STARD13: variants seen among roughly 807,000 people sequenced by gnomAD.
STARD13 encodes the protein stAR-related lipid transfer protein 13.
STARD13 carries 62 observed loss-of-function variants against 106.4 expected under a neutral mutation model. The observed-to-expected ratio is 0.58, with a 90% CI of 0.48 to 0.72. The LOEUF (loss-of-function observed/expected upper bound fraction) is 0.72, where lower values mean the gene tolerates loss of function less well. Among genes scored for constraint, STARD13 ranks in the 30% least tolerant of loss-of-function variants. The pLI is 0.00. For missense variants in STARD13, 1,387 were observed against 1,424.0 expected (o/e 0.97, Z 0.42); for synonymous variants, 565 against 553.0 (o/e 1.02, Z -0.31).
At chr13:33,318,864 C>T (rs186270731) in intron 1 of STARD13, among the ~76,000 whole-genome samples, 87 of 152,248 alleles carry the variant, frequency 5.7e-4, no homozygotes, top group Non-Finnish European at 1.1e-3. Flanking sequence ...GATACCATTT[C>T]ACAATGACTA....
chr13:33,515,552 G>A, the STARD13 span, among the ~76,000 whole-genome samples: 1 of 152,104 alleles, frequency 6.6e-6, no homozygotes, highest in Non-Finnish European at 1.5e-5. Context: ...ACTAGAAAGT[G>A]GGGACCATAA....
intron 1 of STARD13, among the ~76,000 whole-genome samples, chr13:33,327,044 T>C (rs2077783859): frequency 6.6e-6 from 1 of 152,224 alleles, no homozygotes; most frequent in African/African-American, 2.4e-5. Context: ...CAAGTGTGCC[T>C]GGCACATGGT....
chr13:33,533,851 G>A, the STARD13 span, among the ~76,000 whole-genome samples: 1 of 152,198 alleles, frequency 6.6e-6, no homozygotes, highest in South Asian at 2.1e-4. Context: ...AACAAATGCT[G>A]AGTGTTAATT....
chr13:33,307,661 T>C (rs892365550), intron 1 of STARD13, among the ~76,000 whole-genome samples: 1 of 150,694 alleles, frequency 6.6e-6, no homozygotes, highest in Non-Finnish European at 1.5e-5. Context: ...TGTCAGGGAG[T>C]TGGGGAGAGG....
the STARD13 span, among the ~76,000 whole-genome samples, chr13:33,492,564 A>G: frequency 1.3e-5 from 2 of 152,212 alleles, no homozygotes; most frequent in Admixed American, 6.5e-5. Flanking sequence ...CAAGATGGCA[A>G]TAAGAGTCAT....
chr13:33,623,419 T>A, the STARD13 span, among the ~76,000 whole-genome samples: 2 of 70,756 alleles, frequency 2.8e-5, no homozygotes, highest in East Asian at 4.7e-4. Flanking sequence ...AAATTGAACC[T>A]CAATAAAGTA....
chr13:33,640,091 G>C, the STARD13 span, among the ~76,000 whole-genome samples: 1,318 of 152,266 alleles, frequency 8.7e-3, 26 homozygotes, highest in African/African-American at 0.03. Flanking sequence ...TTCAGTCATA[G>C]AGAAAGATAT....
In STARD13 at chr13:33,343,588, A is replaced by AAACAAAC. The variant is rs1555264012; in HGVS notation, c.124+6701_124+6702insGTTTGTT. Among the ~76,000 whole-genome samples, 105 of 97,276 alleles carry AAACAAAC rather than the reference A, an allele frequency of 1.1e-3. 3 individuals are homozygous for AAACAAAC. Among genetic ancestry groups the AAACAAAC allele is most frequent in the Admixed American group, 4.9e-3 (51 of 10,398 alleles). The allele number at this position is 97,276 out of a possible 152,430, so 63.8% of individuals were successfully genotyped here. A position where few individuals can be genotyped will look rare whatever the true frequency, so the allele number is the denominator to read the frequency against. On this transcript the variant is annotated intron_variant, in intron 1 of 5. Transcript: ENST00000567873. ...TTGAGACCCTGTCTTAAAAAAAAAA[A>AAACAAAC]AAAAAAAAACAAATCTACAAATCTA... is the stretch of plus-strand genomic sequence containing the variant.
chr13:33,593,309 G>A, the STARD13 span, among the ~76,000 whole-genome samples: 14 of 151,570 alleles, frequency 9.2e-5, no homozygotes, highest in South Asian at 2.1e-4. Context: ...CTCAGCCTCC[G>A]GAGTAGCTGG....
chr13:33,459,546 A>T, the STARD13 span, among the ~76,000 whole-genome samples: 1 of 152,288 alleles, frequency 6.6e-6, no homozygotes, highest in Non-Finnish European at 1.5e-5. Context: ...TGCTATTACA[A>T]AAAAGCTTCT....
At chr13:33,379,226 C>T in the STARD13 span, among the ~76,000 whole-genome samples, 25 of 152,314 alleles carry the variant, frequency 1.6e-4, no homozygotes, top group African/African-American at 5.8e-4. Context: ...CCTTAGAGAG[C>T]TCTTATGACA....
chr13:33,568,038 C>A, the STARD13 span, among the ~76,000 whole-genome samples: 1 of 145,622 alleles, frequency 6.9e-6, no homozygotes, highest in African/African-American at 2.5e-5. Context: ...ATTTTTTTTT[C>A]TATTGTTTAA....
intron 1 of STARD13, among the ~76,000 whole-genome samples, chr13:33,313,240 TG>T (rs1377685296): frequency 1.3e-5 from 2 of 151,632 alleles, no homozygotes; most frequent in African/African-American, 4.9e-5. Context: ...ATATTTGGAA[TG>T]AAAAAAATGT....
chr13:33,526,162 G>C, the STARD13 span, among the ~76,000 whole-genome samples: 156 of 152,086 alleles, frequency 1.0e-3, 2 homozygotes, highest in African/African-American at 3.4e-3. Flanking sequence ...ACTGTGGCCG[G>C]CAATAATTGT....
the STARD13 span, among the ~76,000 whole-genome samples, chr13:33,534,626 T>C: frequency 2.0e-5 from 3 of 152,222 alleles, no homozygotes. Flanking sequence ...TATTTTTTTA[T>C]ATATAGAATA....
At chr13:33,216,915 G>A (rs1464695887) in intron 1 of STARD13, among the ~76,000 whole-genome samples, 1 of 152,110 alleles carries the variant, frequency 6.6e-6, no homozygotes, top group African/African-American at 2.4e-5. Flanking sequence ...TCGAATCCCT[G>A]GCCCATCCCT....
At chr13:33,566,348 C>G in the STARD13 span, among the ~76,000 whole-genome samples, 1 of 147,924 alleles carries the variant, frequency 6.8e-6, no homozygotes, top group Non-Finnish European at 1.5e-5. Flanking sequence ...GTACTATCTG[C>G]GGTTTCAGGC....
intron 1 of STARD13, among the ~76,000 whole-genome samples, chr13:33,257,433 T>C (rs1241503231): frequency 6.6e-6 from 1 of 152,208 alleles, no homozygotes; most frequent in African/African-American, 2.4e-5. Context: ...GCATGGTATA[T>C]AAAAGTGTAC....
chr13:33,271,561 G>T (rs1296398744), intron 1 of STARD13: 1 of 152,218 alleles, frequency 6.6e-6, no homozygotes, highest in Non-Finnish European at 1.5e-5. Context: ...CTATTCCTTA[G>T]GTAGGAACTT....
Sources: gnomAD v4.1 joint callset for allele counts (sites outside exome capture counted in the v4.1 genomes callset) on GRCh38, gnomAD v4.1.1 for gene constraint, MANE v1.5 for transcripts, NCBI Gene and HGNC (gene_info 2026-07-23, HGNC 2026-07-21) for gene names.